Variants in UBE2E2 observed in about 807,000 individuals in gnomAD.
The protein encoded by UBE2E2 is ubiquitin conjugating enzyme E2 E2.
A neutral mutation model predicts 24.7 loss-of-function variants in UBE2E2; 6 were observed. The observed-to-expected ratio is 0.24, with a 90% confidence interval of 0.13 to 0.48. The LOEUF is 0.48. UBE2E2 is among the 20% of genes least tolerant of loss of function. UBE2E2 has a pLI of 0.99. For synonymous variants in UBE2E2, 104 were observed against 83.6 expected, an observed-to-expected ratio of 1.24 and a Z score of -1.33; for missense variants, 169 against 245.0, an observed-to-expected ratio of 0.69 and a Z score of 2.07.
Position 23,563,444 on chromosome 3 carries a change from A to T in UBE2E2, c.509-26290A>T, listed in dbSNP as rs1282747839. 5.9e-5 allele frequency among the ~76,000 whole-genome samples: 9 copies of T among 152,116 alleles called. No homozygotes were observed. The South Asian group carries it at 8.3e-4, about 14-fold the overall frequency. Reference sequence around the variant, plus strand: ...ACTGTGGTCTGAGAGACAGTTTGTTATAATTTCTGTACTTTTACATTTGCT... The same window carrying T: ...ACTGTGGTCTGAGAGACAGTTTGTTTTAATTTCTGTACTTTTACATTTGCT... On this transcript the variant is annotated intron_variant, in intron 5 of 5. Coordinates refer to ENST00000396703, the MANE Select transcript of UBE2E2 (RefSeq NM_152653.4).
upstream of UBE2E2, chr3:23,203,278 C>A (rs1575465921): frequency 8.1e-6 from 8 of 987,896 alleles, no homozygotes; most frequent in Non-Finnish European, 9.6e-6. Context: ...TCCGGGCGGG[C>A]GCGAGCGCGG....
At chr3:23,533,669 G>A (rs908543780) in intron 5 of UBE2E2, among the ~76,000 whole-genome samples, 1 of 130,026 alleles carries the variant, frequency 7.7e-6, no homozygotes, top group African/African-American at 3.1e-5. Flanking sequence ...TGTCACCCAG[G>A]CTGGAGTGCA....
intron 4 of UBE2E2, among the ~76,000 whole-genome samples, chr3:23,529,762 C>G (rs775476014): frequency 1.3e-5 from 2 of 152,156 alleles, no homozygotes; most frequent in Admixed American, 1.3e-4. Flanking sequence ...TCTGCCTTCT[C>G]CAGAGAAATT....
At chr3:23,581,405 A>T (rs1322862488) in intron 5 of UBE2E2, among the ~76,000 whole-genome samples, 2 of 152,198 alleles carry the variant, frequency 1.3e-5, no homozygotes, top group Non-Finnish European at 2.9e-5. Context: ...AGCCATGCTG[A>T]GTTTGGATTT....
chr3:23,446,720 T>TTTTTTTTTTTTTTTTTTTTTTTTTTTA (rs1553612084), intron 3 of UBE2E2, among the ~76,000 whole-genome samples: 1 of 145,258 alleles, frequency 6.9e-6, no homozygotes, highest in Non-Finnish European at 1.5e-5. Flanking sequence ...TTTTTTTTTT[T>TTTTTTTTTTTTTTTTTTTTTTTTTTTA]ATCCGTAGGG....
At chr3:23,228,496 A>G (rs1696884494) in intron 3 of UBE2E2, among the ~76,000 whole-genome samples, 1 of 152,212 alleles carries the variant, frequency 6.6e-6, no homozygotes, top group African/African-American at 2.4e-5. Context: ...AGATATCCTG[A>G]AACTGTATTC....
chr3:23,487,507 A>G (rs1002855909), intron 3 of UBE2E2, among the ~76,000 whole-genome samples: 5 of 152,174 alleles, frequency 3.3e-5, no homozygotes, highest in African/African-American at 1.2e-4. Context: ...GTGTCTCCAC[A>G]GTGGCCAATC....
intron 4 of UBE2E2, among the ~76,000 whole-genome samples, chr3:23,505,888 T>C (rs1016293776): frequency 6.6e-6 from 1 of 152,238 alleles, no homozygotes; most frequent in African/African-American, 2.4e-5. Flanking sequence ...TGACAGGTCA[T>C]GGCTACTCAT....
intron 3 of UBE2E2, among the ~76,000 whole-genome samples, chr3:23,371,348 T>G (rs1378501619): frequency 1.3e-5 from 2 of 152,316 alleles, no homozygotes; most frequent in South Asian, 4.1e-4. Context: ...ATATTTTTAA[T>G]AGATGTTTTT....
chr3:23,536,183 A>G (rs1049292415), intron 5 of UBE2E2, among the ~76,000 whole-genome samples: 3 of 152,180 alleles, frequency 2.0e-5, no homozygotes, highest in Non-Finnish European at 4.4e-5. Flanking sequence ...TATTCTTTAT[A>G]TGAAATCTGT....
rs959240155 is a variant in UBE2E2 at position 23,223,791 on chromosome 3, T to G, written c.227+6479T>G. On this transcript the variant is annotated intron_variant, in intron 3 of 5. Transcript: ENST00000396703. ...TAGTGTTTCAGGTCTTAGATTCAAG[T>G]CTTTAATCCATTTTGGTTTGATTTT... Among the ~76,000 whole-genome samples, 11 of 152,262 alleles carry G rather than the reference T, an allele frequency of 7.2e-5. 2 individuals are homozygous for G. The highest frequency in any genetic ancestry group is 1.9e-4 in the East Asian group (1 of 5,188).
intron 3 of UBE2E2, among the ~76,000 whole-genome samples, chr3:23,219,558 A>T (rs961734026): frequency 6.6e-6 from 1 of 152,204 alleles, no homozygotes; most frequent in Non-Finnish European, 1.5e-5. Context: ...CACTGCCTGC[A>T]TTGGCCTAAT....
At chr3:23,404,414 C>T (rs1697307235) in intron 3 of UBE2E2, among the ~76,000 whole-genome samples, 2 of 152,066 alleles carry the variant, frequency 1.3e-5, no homozygotes, top group African/African-American at 2.4e-5. Flanking sequence ...TATTAGTCAC[C>T]TTAAACTTGT....
At chr3:23,499,509 T>G in intron 3 of UBE2E2, 99 bp from the exon 4 acceptor site, 3 of 1,443,464 alleles carry the variant, frequency 2.1e-6, no homozygotes, top group Non-Finnish European at 2.8e-6. Context: ...CTTTTTGTGT[T>G]TTTATGGAAT....
At chr3:23,345,269 C>T (rs1214653368) in intron 3 of UBE2E2, among the ~76,000 whole-genome samples, 1 of 152,108 alleles carries the variant, frequency 6.6e-6, no homozygotes, top group Non-Finnish European at 1.5e-5. Context: ...TTCATACCTC[C>T]TTGAAGACTG....
At chr3:23,398,401 A>G (rs1048186164) in intron 3 of UBE2E2, among the ~76,000 whole-genome samples, 43 of 151,494 alleles carry the variant, frequency 2.8e-4, no homozygotes, top group African/African-American at 9.7e-4. Flanking sequence ...TGGAATGTCT[A>G]ATCTCATCAT....
At chr3:23,414,291 T>C (rs1287341561) in intron 3 of UBE2E2, among the ~76,000 whole-genome samples, 1 of 152,218 alleles carries the variant, frequency 6.6e-6, no homozygotes, top group African/African-American at 2.4e-5. Context: ...TACCTTACTC[T>C]GTTTCCAGTG....
intron 3 of UBE2E2, among the ~76,000 whole-genome samples, chr3:23,277,826 C>T (rs1698404366): frequency 6.6e-6 from 1 of 151,858 alleles, no homozygotes. Context: ...GCTGAGAATC[C>T]CTATTGAGGA....
chr3:23,573,929 C>A (rs1224148854), intron 5 of UBE2E2, among the ~76,000 whole-genome samples: 1 of 152,116 alleles, frequency 6.6e-6, no homozygotes, highest in Non-Finnish European at 1.5e-5. Context: ...TGATGACACA[C>A]TGTCATTGAA....
Sources: allele counts gnomAD v4.1 joint callset (sites outside exome capture counted in the v4.1 genomes callset), GRCh38; gene constraint gnomAD v4.1.1; transcripts MANE v1.5; gene names NCBI Gene and HGNC (gene_info 2026-07-23, HGNC 2026-07-21).